SDK2: variants seen among roughly 807,000 people sequenced by gnomAD.
The protein encoded by SDK2 is sidekick cell adhesion molecule 2.
SDK2 carries 105 observed loss-of-function variants against 253.9 expected under a neutral mutation model. The observed-to-expected ratio is 0.41, with a 90% CI of 0.35 to 0.49. SDK2 has a LOEUF of 0.49. Ranked by LOEUF, SDK2 falls within the 20% of genes least tolerant of loss-of-function variation. The pLI is 0.06. For missense variants in SDK2, 2,608 were observed against 3,003.0 expected, an observed-to-expected ratio of 0.87 and a Z score of 3.07; for synonymous variants, 1,249 against 1,234.9, an observed-to-expected ratio of 1.01 and a Z score of -0.24.
At chr17:73,417,075 CTATTAG>C (rs1835817563) in intron 16 of SDK2, among the ~76,000 whole-genome samples, 2 of 151,926 alleles carry the variant, frequency 1.3e-5, no homozygotes, top group Non-Finnish European at 2.9e-5. Flanking sequence ...TAGCAGTAGG[CTATTAG>C]TATTTAAGTT....
Position 73,438,003 on chromosome 17 carries a change from C to CGCT in SDK2, c.874_876dup (p.Ser292dup). On this transcript the variant is annotated inframe_insertion, in exon 7 of 45. Transcript: ENST00000392650. Reference sequence around the variant, plus strand: ...TAGGCGCCCCGGACAACAGAGGGGACGCTGCTGCTGCGCAGGACAGCCTCA... The same window carrying CGCT: ...TAGGCGCCCCGGACAACAGAGGGGACGCTGCTGCTGCTGCGCAGGACAGCCTCA... 2.6e-6 allele frequency: 4 copies of CGCT among 1,551,120 alleles called. 1 individual carries two copies. The South Asian group carries it at 3.6e-5, about 14-fold the overall frequency.
At chr17:73,399,815 C>A (rs969594068) in intron 21 of SDK2, among the ~76,000 whole-genome samples, 9 of 152,162 alleles carry the variant, frequency 5.9e-5, no homozygotes, top group African/African-American at 1.2e-4. Flanking sequence ...ACAGAAAGAA[C>A]ACAGATTCTG....
chr17:73,595,497 G>A (rs1056848768), intron 1 of SDK2, among the ~76,000 whole-genome samples: 4 of 152,134 alleles, frequency 2.6e-5, no homozygotes, highest in African/African-American at 9.7e-5. Flanking sequence ...TCTGGGCCCT[G>A]GAGGGGACCC....
At chr17:73,526,158 C>T (rs962215793) in intron 1 of SDK2, among the ~76,000 whole-genome samples, 2 of 152,130 alleles carry the variant, frequency 1.3e-5, no homozygotes, top group Non-Finnish European at 2.9e-5. Context: ...CACAGGCAGA[C>T]GGTGTCATTT....
At chr17:73,508,352 C>A (rs546787148) in intron 1 of SDK2, among the ~76,000 whole-genome samples, 2 of 152,388 alleles carry the variant, frequency 1.3e-5, no homozygotes, top group East Asian at 3.9e-4. Flanking sequence ...CTTCACAAGA[C>A]TGCTCAGCTG....
intron 12 of SDK2, among the ~76,000 whole-genome samples, chr17:73,426,130 C>T (rs1197098739): frequency 6.7e-6 from 1 of 148,906 alleles, no homozygotes. Flanking sequence ...CTGCAACCTC[C>T]GCCTCCCGGG....
At chr17:73,620,258 C>T (rs751906819) in intron 1 of SDK2, among the ~76,000 whole-genome samples, 8 of 150,604 alleles carry the variant, frequency 5.3e-5, no homozygotes, top group African/African-American at 9.8e-5. Context: ...GATATACAAA[C>T]GGCCAACAAG....
At position 73,511,313 on chromosome 17, in the gene SDK2, T is replaced by A. The variant is rs989304590; in HGVS notation, c.65-3716A>T. Among the ~76,000 whole-genome samples the A allele has an allele frequency of 6.6e-6, 1 of 152,234 alleles. No homozygotes were observed. Among genetic ancestry groups the A allele is most frequent in the African/African-American group, 2.4e-5 (1 of 41,466 alleles). On this transcript the variant is annotated intron_variant, in intron 1 of 44. Coordinates refer to ENST00000392650, the MANE Select transcript of SDK2 (RefSeq NM_001144952.2). This position sits in a 1 kb window ranked among gnomAD's most constrained non-coding sequence, Gnocchi z 4.9. ...AGAGGGGCTGGGCAGTGTGTGTATC[T>A]GCATGCACACATGTGCATATGTGTG...
At chr17:73,547,600 C>G (rs2044985828) in intron 1 of SDK2, among the ~76,000 whole-genome samples, 1 of 152,144 alleles carries the variant, frequency 6.6e-6, no homozygotes. Flanking sequence ...CTGTCTGTAC[C>G]ACCCCAGATA....
intron 37 of SDK2, among the ~76,000 whole-genome samples, chr17:73,367,284 C>T (rs576109386): frequency 6.6e-6 from 1 of 152,096 alleles, no homozygotes; most frequent in Non-Finnish European, 1.5e-5. Context: ...GCTGGGATTA[C>T]AGGTGTGAGA....
chr17:73,610,877 TG>T (rs1198113739), intron 1 of SDK2, among the ~76,000 whole-genome samples: 3 of 151,674 alleles, frequency 2.0e-5, no homozygotes, highest in Non-Finnish European at 4.4e-5. Context: ...GACAGAGAGA[TG>T]GAGGGTCAGG....
intron 1 of SDK2, among the ~76,000 whole-genome samples, chr17:73,578,498 ACCACAGTGGTC>A (rs1599695526): frequency 6.6e-6 from 1 of 152,134 alleles, no homozygotes; most frequent in East Asian, 1.9e-4. Context: ...AAGCTCACAC[ACCACAGTGGTC>A]CCTACCTCCC....
chr17:73,365,534 G>A (rs1026978103), intron 37 of SDK2, 139 bp from the exon 38 acceptor site: 36 of 793,210 alleles, frequency 4.5e-5, no homozygotes, highest in Non-Finnish European at 6.7e-5. Context: ...GAAAGGGCGG[G>A]CAGGAGGGGT....
chr17:73,504,112 A>C (rs7207590), intron 2 of SDK2, among the ~76,000 whole-genome samples: 35,347 of 151,638 alleles, frequency 0.23, 4,330 homozygotes, highest in Non-Finnish European at 0.27. Context: ...AATAATGAGA[A>C]GGCAAAAAAG....
chr17:73,421,662 A>G (rs1279865415), intron 15 of SDK2, among the ~76,000 whole-genome samples: 1 of 144,358 alleles, frequency 6.9e-6, no homozygotes, highest in Non-Finnish European at 1.5e-5. Flanking sequence ...CCCTGATTCA[A>G]GGGATTCTTG....
At chr17:73,561,124 C>T (rs975193982) in intron 1 of SDK2, among the ~76,000 whole-genome samples, 2 of 152,226 alleles carry the variant, frequency 1.3e-5, no homozygotes, top group Admixed American at 6.5e-5. Context: ...CCACCCCAGA[C>T]TCCACAACTT....
intron 2 of SDK2, among the ~76,000 whole-genome samples, chr17:73,478,598 A>T (rs934430033): frequency 6.6e-6 from 1 of 152,218 alleles, no homozygotes; most frequent in Non-Finnish European, 1.5e-5. Flanking sequence ...TGGGAGGAAG[A>T]GCCAGGACAG....
chr17:73,352,579 C>T lies in SDK2; in HGVS notation c.5652G>A (p.Thr1884=), dbSNP rs150849724. 122 of 1,614,038 alleles carry T rather than the reference C, an allele frequency of 7.6e-5. No homozygotes were observed. The highest frequency in any genetic ancestry group is 2.8e-4 in the African/African-American group (21 of 75,068). ...KDIPKEVSSY[T]FSMDILKPGV... is the part of the protein sequence containing the mutation. The stretch of plus-strand genomic sequence containing the variant: ...CCGGCTTCAGGATGTCCATGCTGAA[C>T]GTGTAGGAGCTCACCTCCTTGGGGA... The change falls in exon 41 of 45, where the codon ACG becomes ACA. Residue 1884 remains threonine, a synonymous_variant. Coordinates refer to ENST00000392650, the MANE Select transcript of SDK2 (RefSeq NM_001144952.2). This position sits in a 1 kb window ranked among gnomAD's most constrained non-coding sequence, Gnocchi z 4.1.
chr17:73,454,061 C>T (rs1334014529), intron 4 of SDK2, among the ~76,000 whole-genome samples: 3 of 152,146 alleles, frequency 2.0e-5, no homozygotes, highest in African/African-American at 4.8e-5. Context: ...GCCTACAGTA[C>T]AGTAACATGC....
Sources: gnomAD v4.1 joint callset for allele counts (sites outside exome capture counted in the v4.1 genomes callset) on GRCh38, gnomAD v4.1.1 for gene constraint, Gnocchi (gnomAD v3.1) non-coding constraint, MANE v1.5 for transcripts, NCBI Gene and HGNC (gene_info 2026-07-23, HGNC 2026-07-21) for gene names.